USH2A: variants seen among roughly 807,000 people sequenced by gnomAD.
The protein encoded by USH2A is usherin.
USH2A carries 443 observed loss-of-function variants against 538.9 expected under a neutral mutation model. That is an observed-to-expected ratio of 0.82 (90% CI 0.76 to 0.89). The LOEUF (loss-of-function observed/expected upper bound fraction) is 0.89, where lower values mean the gene tolerates loss of function less well. Among genes scored for constraint, USH2A ranks in the 40% least tolerant of loss-of-function variants. USH2A has a pLI of 0.00. For missense variants in USH2A, 6,633 were observed against 6,324.8 expected (o/e 1.05, Z -1.65); for synonymous variants, 2,413 against 2,273.5 (o/e 1.06, Z -1.75).
intron 38 of USH2A, among the ~76,000 whole-genome samples, chr1:215,933,524 T>A (rs1666413747): frequency 6.6e-6 from 1 of 152,036 alleles, no homozygotes; most frequent in Non-Finnish European, 1.5e-5. Context: ...TTCATTAATT[T>A]TAATAATGGC....
chr1:216,266,023 A>G (rs1465648930), intron 11 of USH2A, among the ~76,000 whole-genome samples: 1 of 152,112 alleles, frequency 6.6e-6, no homozygotes, highest in Non-Finnish European at 1.5e-5. Flanking sequence ...AATTTATTAT[A>G]TGTTTTCAAA....
rs78375914 is a variant in USH2A at position 216,070,916 on chromosome 1, T to A, written c.5858-624A>T. Among the ~76,000 whole-genome samples the A allele has an allele frequency of 2.5e-3, 379 of 152,256 alleles. 1 individual carries two copies. The highest frequency in any genetic ancestry group is 8.9e-3 in the African/African-American group (371 of 41,550). On this transcript the variant is annotated intron_variant, in intron 29 of 71. Transcript: ENST00000307340. ...AGATTCTACAAAGTCATTTTCAAAG[T>A]CTTGTTCTGCAGAATATTTCAAAAT...
intron 37 of USH2A, among the ~76,000 whole-genome samples, chr1:215,937,093 T>C (rs903346311): frequency 2.0e-5 from 3 of 152,102 alleles, no homozygotes; most frequent in African/African-American, 7.2e-5. Context: ...TTTATTACTC[T>C]GGACCCAAAA....
intron 4 of USH2A, among the ~76,000 whole-genome samples, chr1:216,351,849 A>G (rs1427755357): frequency 6.6e-6 from 1 of 152,084 alleles, no homozygotes; most frequent in African/African-American, 2.4e-5. Context: ...CAAAAAAAAA[A>G]ATGTTGAACA....
At chr1:215,957,126 T>C (rs1667087549) in intron 37 of USH2A, among the ~76,000 whole-genome samples, 1 of 152,200 alleles carries the variant, frequency 6.6e-6, no homozygotes, top group African/African-American at 2.4e-5. Context: ...ACTTTCTTTT[T>C]TGCATAAGAG....
rs2032455974 is a variant in USH2A at position 216,096,998 on chromosome 1, T to A, written c.4758+85A>T. On this transcript the variant is annotated intron_variant, in intron 22 of 71. Transcript: ENST00000307340. ...TACCTTACAAGGTTTGAATGAAGAT[T>A]CAGTGTGAAAACAGAAGCATTTACC... 3 of 1,319,180 alleles carry A rather than the reference T, an allele frequency of 2.3e-6. No homozygotes were observed. The Admixed American group carries it at 6.2e-5, about 27-fold the overall frequency. The allele number at this position is 1,319,180 out of a possible 1,614,324, so 81.7% of individuals were successfully genotyped here.
chr1:216,229,933 T>C (rs564755589), intron 14 of USH2A, among the ~76,000 whole-genome samples: 4 of 152,120 alleles, frequency 2.6e-5, no homozygotes, highest in East Asian at 3.9e-4. Context: ...AGCAGTGTAA[T>C]GAAGGGAATC....
At chr1:215,827,171 T>C (rs1202497281) in intron 47 of USH2A, among the ~76,000 whole-genome samples, 2 of 152,142 alleles carry the variant, frequency 1.3e-5, no homozygotes, top group Admixed American at 1.3e-4. Context: ...ATTGCAAGAC[T>C]GAACTACCTG....
chr1:216,301,676 G>A (rs934834436), intron 9 of USH2A, among the ~76,000 whole-genome samples: 4 of 152,168 alleles, frequency 2.6e-5, no homozygotes, highest in Non-Finnish European at 4.4e-5. Flanking sequence ...GTGAGAAGGA[G>A]AGAAAGACAA....
chr1:216,252,502 A>C (rs2036182360), intron 11 of USH2A, among the ~76,000 whole-genome samples: 1 of 152,258 alleles, frequency 6.6e-6, no homozygotes, highest in Admixed American at 6.5e-5. Context: ...TGAAGGACTT[A>C]GAAATTAAAT....
intron 32 of USH2A, among the ~76,000 whole-genome samples, chr1:216,025,129 TCA>T (rs1221014820): frequency 2.0e-5 from 3 of 151,924 alleles, no homozygotes; most frequent in Admixed American, 6.6e-5. Flanking sequence ...CCCTCTGATC[TCA>T]GTTTTTCAAG....
chr1:215,986,380 C>A (rs1667875493), intron 35 of USH2A, among the ~76,000 whole-genome samples: 1 of 147,642 alleles, frequency 6.8e-6, no homozygotes, highest in Non-Finnish European at 1.5e-5. Flanking sequence ...CTCCCAGGCT[C>A]AGGTGATTTG....
intron 36 of USH2A, 34 bp from the exon 37 acceptor site, chr1:215,965,513 A>T (rs1350901055): frequency 6.2e-7 from 1 of 1,610,952 alleles, no homozygotes; most frequent in South Asian, 1.1e-5. Flanking sequence ...TTTGTTTGCA[A>T]ATAAAATAAG....
intron 21 of USH2A, chr1:216,174,467 G>A: frequency 1.0e-6 from 1 of 985,348 alleles, no homozygotes; most frequent in Non-Finnish European, 1.2e-6. Context: ...AGGAGGGTAA[G>A]GCCAGTGAGG....
At chr1:216,235,307 C>G (rs1489823081) in intron 13 of USH2A, among the ~76,000 whole-genome samples, 1 of 152,130 alleles carries the variant, frequency 6.6e-6, no homozygotes, top group Non-Finnish European at 1.5e-5. Flanking sequence ...AGCATTGTAA[C>G]TGATCATATT....
intron 35 of USH2A, among the ~76,000 whole-genome samples, chr1:215,973,941 C>CACACAG (rs1491556377): frequency 3.4e-4 from 1 of 2,958 alleles, no homozygotes; most frequent in Non-Finnish European, 7.4e-4. Context: ...TAGGTGAGAT[C>CACACAG]ACACACACAC....
At chr1:215,763,212 G>A (rs1661031055) in intron 56 of USH2A, among the ~76,000 whole-genome samples, 1 of 152,150 alleles carries the variant, frequency 6.6e-6, no homozygotes, top group South Asian at 2.1e-4. Flanking sequence ...TATCCTTCAT[G>A]GAGTTCATGT....
intron 58 of USH2A, among the ~76,000 whole-genome samples, chr1:215,745,722 C>A (rs546124321): frequency 6.6e-6 from 1 of 152,160 alleles, no homozygotes; most frequent in Non-Finnish European, 1.5e-5. Context: ...AGGACTTGAA[C>A]TTAGGCCCAT....
At chr1:216,218,109 A>G (rs1380038084) in intron 14 of USH2A, among the ~76,000 whole-genome samples, 2 of 152,076 alleles carry the variant, frequency 1.3e-5, no homozygotes, top group East Asian at 3.9e-4. Context: ...ATGCCTTAAT[A>G]TGGGTTATAT....
Sources: allele counts gnomAD v4.1 joint callset (sites outside exome capture counted in the v4.1 genomes callset), GRCh38; gene constraint gnomAD v4.1.1; transcripts MANE v1.5; gene names NCBI Gene and HGNC (gene_info 2026-07-23, HGNC 2026-07-21).